EYS: variants seen among roughly 807,000 people sequenced by gnomAD.
The protein encoded by EYS is protein eyes shut homolog.
EYS carries 250 observed loss-of-function variants against 282.1 expected under a neutral mutation model. The observed-to-expected ratio is 0.89, with a 90% CI of 0.80 to 0.98. The LOEUF (loss-of-function observed/expected upper bound fraction) is 0.98, where lower values mean the gene tolerates loss of function less well. Among genes scored for constraint, EYS ranks in the 50% least tolerant of loss-of-function variants. The pLI is 0.00. For missense variants in EYS, 4,016 were observed against 3,709.0 expected (o/e 1.08, Z -2.15); for synonymous variants, 1,355 against 1,282.9 (o/e 1.06, Z -1.20).
At chr6:64,784,886 A>T (rs527626166) in intron 22 of EYS, among the ~76,000 whole-genome samples, 1 of 152,050 alleles carries the variant, frequency 6.6e-6, no homozygotes, top group South Asian at 2.1e-4. Flanking sequence ...CAGCCCTTAG[A>T]TCAGTTGTAT....
chr6:64,208,580 A>C (rs775483529), intron 31 of EYS, among the ~76,000 whole-genome samples: 19 of 152,280 alleles, frequency 1.2e-4, no homozygotes, highest in Non-Finnish European at 2.5e-4. Flanking sequence ...AGATTACCTG[A>C]GGTAAATTTT....
At chr6:65,633,108 G>T (rs144571382) in intron 2 of EYS, among the ~76,000 whole-genome samples, 15 of 152,126 alleles carry the variant, frequency 9.9e-5, no homozygotes, top group African/African-American at 3.6e-4. Flanking sequence ...CTACCACAAC[G>T]TAATCATTGC....
chr6:63,777,982 C>T (rs1225382728), intron 40 of EYS, 24 bp downstream of exon 40: 1 of 1,549,908 alleles, frequency 6.5e-7, no homozygotes, highest in Non-Finnish European at 8.7e-7. Flanking sequence ...CTGCTACTTT[C>T]ATTCCTAATA....
intron 12 of EYS, among the ~76,000 whole-genome samples, chr6:65,081,092 G>A (rs2150171511): frequency 6.6e-6 from 1 of 152,160 alleles, no homozygotes; most frequent in Non-Finnish European, 1.5e-5. Flanking sequence ...GCATAATGTG[G>A]TAATTTCAAA....
chr6:65,661,065 C>T (rs1195232874), intron 1 of EYS, among the ~76,000 whole-genome samples: 1 of 151,792 alleles, frequency 6.6e-6, no homozygotes, highest in Non-Finnish European at 1.5e-5. Context: ...AAGTGGTAGT[C>T]TTTTATTTGT....
intron 26 of EYS, among the ~76,000 whole-genome samples, chr6:64,470,829 T>C (rs755820347): frequency 2.0e-5 from 3 of 152,136 alleles, no homozygotes; most frequent in Non-Finnish European, 4.4e-5. Context: ...CAACAGGACA[T>C]ATGGGACACC....
chr6:65,595,001 C>T (rs1218046531), intron 2 of EYS, among the ~76,000 whole-genome samples: 2 of 152,044 alleles, frequency 1.3e-5, no homozygotes, highest in African/African-American at 2.4e-5. Flanking sequence ...TCTGAGGGCT[C>T]TGTTCTGTTC....
intron 33 of EYS, among the ~76,000 whole-genome samples, chr6:64,019,863 T>C (rs969324409): frequency 2.5e-4 from 36 of 142,498 alleles, no homozygotes; most frequent in African/African-American, 9.9e-4. Context: ...TATATATATA[T>C]ATATACTTAC....
chr6:65,295,189 T>C (rs535001604), intron 12 of EYS, among the ~76,000 whole-genome samples: 1 of 151,986 alleles, frequency 6.6e-6, no homozygotes, highest in South Asian at 2.1e-4. Context: ...ATTGTTTTTC[T>C]GTATGGCCAC....
At chr6:65,523,714 T>C (rs546557123) in intron 2 of EYS, among the ~76,000 whole-genome samples, 2 of 152,310 alleles carry the variant, frequency 1.3e-5, no homozygotes, top group East Asian at 3.9e-4. Context: ...TAAATGTTTA[T>C]ATACTGCTAG....
intron 22 of EYS, among the ~76,000 whole-genome samples, chr6:64,725,441 C>T (rs1353459170): frequency 6.6e-6 from 1 of 151,874 alleles, no homozygotes; most frequent in South Asian, 2.1e-4. Flanking sequence ...GACTTATTTA[C>T]TCAGACTCAG....
At chr6:63,776,570 A>G (rs1770070462) in intron 40 of EYS, among the ~76,000 whole-genome samples, 1 of 152,214 alleles carries the variant, frequency 6.6e-6, no homozygotes. Flanking sequence ...TTTGTTACAC[A>G]CAAAGTCCTG....
chr6:63,927,938 G>C (rs544381864), intron 35 of EYS, among the ~76,000 whole-genome samples: 105 of 152,260 alleles, frequency 6.9e-4, no homozygotes, highest in South Asian at 6.0e-3. Context: ...TTCTTTTGAT[G>C]CTCAGACAGG....
At chr6:65,577,725 T>C (rs1764721919) in intron 2 of EYS, among the ~76,000 whole-genome samples, 1 of 141,500 alleles carries the variant, frequency 7.1e-6, no homozygotes, top group Admixed American at 7.3e-5. Context: ...AACTCAATAA[T>C]ATTAATAATA....
chr6:65,402,040 GC>G (rs960701275), intron 7 of EYS, among the ~76,000 whole-genome samples: 11 of 151,828 alleles, frequency 7.2e-5, no homozygotes, highest in Admixed American at 5.9e-4. Context: ...CTAAAAGTCT[GC>G]CTAAAGACCC....
intron 34 of EYS, among the ~76,000 whole-genome samples, chr6:63,992,190 A>G (rs1438796096): frequency 6.6e-6 from 1 of 151,868 alleles, no homozygotes; most frequent in Non-Finnish European, 1.5e-5. Context: ...GTATACAAAT[A>G]TAGAATACTG....
In EYS at chr6:64,617,441, A is replaced by G. The variant is rs572419710; in HGVS notation, c.3661T>C (p.Cys1221Arg). Reference protein sequence around the residue: ...LCMENEPGSTCLCTPGFMTCS... With the variant: ...LCMENEPGSTRLCTPGFMTCS... ...ACCATAAATCCAGGTGTGCATAAAC[A>G]TGTCGAGCCAGGTTCATTCTCCATG... Residue 1221 changes from cysteine (C) to arginine (R), a missense_variant, in exon 24 of 43, where the codon TGT (cysteine) becomes CGT (arginine). Cys to Arg is a radical substitution (Grantham distance 180). Transcript: ENST00000503581. 1.9e-6 allele frequency: 3 copies of G among 1,550,000 alleles called. No individual in the cohort carries two copies. The highest frequency in any genetic ancestry group is 2.4e-5 in the East Asian group (1 of 40,894).
chr6:65,181,124 T>C (rs138950084), intron 12 of EYS, among the ~76,000 whole-genome samples: 33,930 of 151,980 alleles, frequency 0.22, 3,945 homozygotes, highest in Middle Eastern at 0.24. Context: ...ACCTAGGCAG[T>C]ACCATTCAGG....
intron 30 of EYS, among the ~76,000 whole-genome samples, chr6:64,274,493 T>TTTTG (rs1554224764): frequency 1.3e-5 from 2 of 149,384 alleles, no homozygotes; most frequent in Non-Finnish European, 3.0e-5. Context: ...TTTTTTTTTT[T>TTTTG]TTTTTTTTTT....
Sources: gnomAD v4.1 joint callset for allele counts (sites outside exome capture counted in the v4.1 genomes callset) on GRCh38, gnomAD v4.1.1 for gene constraint, MANE v1.5 for transcripts, NCBI Gene and HGNC (gene_info 2026-07-23, HGNC 2026-07-21) for gene names.